EML5: variants seen among roughly 807,000 people sequenced by gnomAD.
EML5 encodes the protein EMAP like 5.
Under a neutral mutation model 250.0 loss-of-function variants are expected in EML5, and 120 were observed. That is an observed-to-expected ratio of 0.48 (90% confidence interval 0.41 to 0.56). EML5 has a LOEUF of 0.56. EML5 is among the 20% of genes least tolerant of loss of function. The pLI is 0.00. For synonymous variants in EML5, 771 were observed against 806.5 expected, an observed-to-expected ratio of 0.96 and a Z score of 0.75; for missense variants, 2,006 against 2,437.6, an observed-to-expected ratio of 0.82 and a Z score of 3.73.
chr14:88,714,938 C>T lies in EML5; in HGVS notation c.1444+1G>A. 6.2e-7 allele frequency: 1 copy of T among 1,610,114 alleles called. No homozygotes were observed. The highest frequency in any genetic ancestry group is 2.2e-5 in the East Asian group (1 of 44,826). The stretch of plus-strand genomic sequence containing the variant: ...ATCTATAATTTGCTAGAAATTGTTA[C>T]CTGGCATTCTATAAAAAAGTCTTTT... On this transcript the variant is annotated splice_donor_variant, in intron 9 of 43. Coordinates refer to ENST00000554922, the MANE Select transcript of EML5 (RefSeq NM_183387.3). LOFTEE classifies it high-confidence loss of function.
intron 14 of EML5, among the ~76,000 whole-genome samples, chr14:88,700,025 C>T (rs1487358309): frequency 6.6e-6 from 1 of 152,130 alleles, no homozygotes; most frequent in Non-Finnish European, 1.5e-5. Flanking sequence ...TCTTATACTA[C>T]ATTGTGAGCT....
intron 1 of EML5, among the ~76,000 whole-genome samples, chr14:88,757,606 T>C (rs2140414440): frequency 6.6e-6 from 1 of 152,058 alleles, no homozygotes; most frequent in South Asian, 2.1e-4. Context: ...TATAAAGAAT[T>C]CCTACAAATC....
At chr14:88,649,883 T>C in intron 28 of EML5, 29 bp downstream of exon 28, 1 of 1,477,694 alleles carries the variant, frequency 6.8e-7, no homozygotes, top group Non-Finnish European at 9.0e-7. Flanking sequence ...AATTTTTGAA[T>C]AAAATATTTT....
At chr14:88,710,734 A>G (rs2093391019) in intron 10 of EML5, among the ~76,000 whole-genome samples, 1 of 151,830 alleles carries the variant, frequency 6.6e-6, no homozygotes, top group Admixed American at 6.6e-5. Flanking sequence ...AAAATAAATT[A>G]CTAACAAAAA....
chr14:88,692,839 T>C, intron 17 of EML5, among the ~76,000 whole-genome samples: 1 of 152,250 alleles, frequency 6.6e-6, no homozygotes, highest in Non-Finnish European at 1.5e-5. Context: ...AATTAATTCA[T>C]GTCCCATGTA....
chr14:88,657,307 C>T, intron 27 of EML5, 69 bp downstream of exon 27: 1 of 1,460,600 alleles, frequency 6.8e-7, no homozygotes, highest in Non-Finnish European at 9.2e-7. Context: ...AAAAAAGCCA[C>T]TTAAATAATA....
At position 88,712,319 on chromosome 14, in the gene EML5, C is replaced by G. The variant is rs1444424523; in HGVS notation, c.1609G>C (p.Asp537His). ...NYIGQVLVTA[D>H]DYGIIKLFRY... ...AATAATTTTATAATTCCATAGTCAT[C>G]AGCTGTAACTAAAACTTGGCCAATA... Residue 537 changes from aspartate (D) to histidine (H), a missense_variant, in exon 10 of 44, where the codon GAT (aspartate) becomes CAT (histidine). Physicochemically the swap from Asp to His is moderately conservative, Grantham distance 81. Around this residue, in one of 7 missense-constraint regions of EML5, gnomAD observed 1,375 missense variants for 1,590.3 expected, o/e 0.86. Transcript: ENST00000554922. 6.2e-6 allele frequency: 10 copies of G among 1,612,676 alleles called. No individual in the cohort carries two copies. The highest frequency in any genetic ancestry group is 6.8e-6 in the Non-Finnish European group (8 of 1,179,332).
At chr14:88,649,340 C>T (rs1429268255) in intron 28 of EML5, among the ~76,000 whole-genome samples, 1 of 152,156 alleles carries the variant, frequency 6.6e-6, no homozygotes, top group African/African-American at 2.4e-5. Context: ...CAGGCCTGAG[C>T]CACCGTGCCC....
intron 1 of EML5, among the ~76,000 whole-genome samples, chr14:88,765,359 G>A (rs1656405258): frequency 6.6e-6 from 1 of 152,070 alleles, no homozygotes; most frequent in South Asian, 2.1e-4. Context: ...AGGGACTGAG[G>A]CTTTCACTCC....
rs2091948930 is a variant in EML5, at chr14:88,658,392, A to G, written c.3676-4T>C. ...TCTTAAACTTTCCAAATTTCCCCTA[A>G]AGAGGAAGAAAATTCAAACAATCTT... On this transcript the variant is annotated splice_polypyrimidine_tract_variant and splice_region_variant and intron_variant, in intron 25 of 43. Transcript: ENST00000554922. 1.3e-6 allele frequency: 2 copies of G among 1,578,496 alleles called. No homozygotes were observed. Among genetic ancestry groups the G allele is most frequent in the East Asian group, 4.6e-5 (2 of 43,928 alleles).
intron 10 of EML5, 141 bp downstream of exon 10, chr14:88,712,130 T>C: frequency 1.6e-6 from 1 of 627,692 alleles, no homozygotes; most frequent in Non-Finnish European, 2.8e-6. Flanking sequence ...CAATAATTTT[T>C]GAATTAGAAA....
chr14:88,666,015 T>C (rs1235415078), intron 21 of EML5, among the ~76,000 whole-genome samples: 2 of 152,072 alleles, frequency 1.3e-5, no homozygotes, highest in Non-Finnish European at 2.9e-5. Flanking sequence ...AAGTCAATGG[T>C]ATGGAATTCT....
At chr14:88,657,538 T>C in intron 26 of EML5, 36 bp from the exon 27 acceptor site, 1 of 1,552,202 alleles carries the variant, frequency 6.4e-7, no homozygotes, top group Non-Finnish European at 8.7e-7. Context: ...CTTTAAGCAA[T>C]AACTGAGATC....
At chr14:88,768,987 C>A (rs140352909) in intron 1 of EML5, among the ~76,000 whole-genome samples, 16 of 152,226 alleles carry the variant, frequency 1.1e-4, no homozygotes, top group African/African-American at 3.9e-4. Flanking sequence ...ACCATGCATT[C>A]CCATTGGGAG....
chr14:88,685,990 T>C (rs953075246), intron 19 of EML5, among the ~76,000 whole-genome samples: 1 of 152,074 alleles, frequency 6.6e-6, no homozygotes, highest in African/African-American at 2.4e-5. Context: ...TTCAGCAACA[T>C]ATTAGTAAAG....
At chr14:88,678,118 G>T (rs2092637599) in intron 21 of EML5, among the ~76,000 whole-genome samples, 1 of 152,118 alleles carries the variant, frequency 6.6e-6, no homozygotes, top group South Asian at 2.1e-4. Context: ...GCCATAAAAA[G>T]TAACAAGATC....
intron 21 of EML5, among the ~76,000 whole-genome samples, chr14:88,673,631 A>G (rs2092524243): frequency 6.6e-6 from 1 of 152,220 alleles, no homozygotes; most frequent in Non-Finnish European, 1.5e-5. Context: ...AGAAAACCCC[A>G]TTATCTCAGC....
chr14:88,727,766 G>A (rs1230427534), intron 7 of EML5, among the ~76,000 whole-genome samples: 1 of 152,116 alleles, frequency 6.6e-6, no homozygotes, highest in African/African-American at 2.4e-5. Context: ...TTTCTACCCT[G>A]ACCAAAGGGA....
intron 30 of EML5, among the ~76,000 whole-genome samples, chr14:88,643,290 GTTC>G: frequency 6.6e-6 from 1 of 152,210 alleles, no homozygotes; most frequent in Non-Finnish European, 1.5e-5. Flanking sequence ...AAGAACTTTA[GTTC>G]TTAAGATTTC....
Sources: gnomAD v4.1 joint callset for allele counts (sites outside exome capture counted in the v4.1 genomes callset) on GRCh38, gnomAD v4.1.1 for gene constraint, gnomAD v4.1.1 regional missense constraint, MANE v1.5 for transcripts, NCBI Gene and HGNC (gene_info 2026-07-23, HGNC 2026-07-21) for gene names.